Variants in DBT observed in about 807,000 individuals in gnomAD.
DBT encodes the protein lipoamide acyltransferase component of branched-chain alpha-keto acid dehydrogenase complex, mitochondrial.
In DBT, 40 loss-of-function variants were observed where a neutral mutation model predicts 51.3. The ratio of observed to expected loss-of-function variants is 0.78; its 90% confidence interval spans 0.61 to 1.02. The LOEUF (loss-of-function observed/expected upper bound fraction) is 1.02, where lower values mean the gene tolerates loss of function less well. DBT is among the 50% of genes least tolerant of loss of function. DBT has a pLI of 0.00. For synonymous variants in DBT, 181 were observed against 190.4 expected (o/e 0.95, Z 0.41); for missense variants, 510 against 580.2 (o/e 0.88, Z 1.24).
At chr1:100,199,148 T>C (rs906103463) in intron 10 of DBT, among the ~76,000 whole-genome samples, 11 of 152,166 alleles carry the variant, frequency 7.2e-5, no homozygotes, top group Non-Finnish European at 1.5e-4. Flanking sequence ...GATTCTAACA[T>C]GTAGCCAGGG....
intron 10 of DBT, among the ~76,000 whole-genome samples, chr1:100,202,784 A>G (rs180965993): frequency 3.2e-4 from 49 of 152,330 alleles, no homozygotes; most frequent in Admixed American, 2.9e-3. Flanking sequence ...CTCACTCAAA[A>G]CCACACAACT....
chr1:100,236,100 T>C (rs563701778), intron 2 of DBT, among the ~76,000 whole-genome samples: 1 of 152,210 alleles, frequency 6.6e-6, no homozygotes, highest in East Asian at 1.9e-4. Flanking sequence ...CTCCTTTTTT[T>C]TTTTGGAGAC....
chr1:100,215,708 G>C (rs1377708956), intron 6 of DBT, among the ~76,000 whole-genome samples: 1 of 152,120 alleles, frequency 6.6e-6, no homozygotes, highest in East Asian at 1.9e-4. Flanking sequence ...TGTAATCCCA[G>C]ATACTCAGGA....
chr1:100,243,420 T>C (rs1664346200), intron 1 of DBT, among the ~76,000 whole-genome samples: 1 of 151,638 alleles, frequency 6.6e-6, no homozygotes, highest in Non-Finnish European at 1.5e-5. Flanking sequence ...GTTCATGCGA[T>C]TCTCGTGCCT....
intron 2 of DBT, among the ~76,000 whole-genome samples, chr1:100,237,912 A>T (rs1663978461): frequency 6.6e-6 from 1 of 152,154 alleles, no homozygotes; most frequent in South Asian, 2.1e-4. Flanking sequence ...AAGTGCTGGG[A>T]TTACAGGTGT....
chr1:100,213,949 CAAAAA>C (rs758614475), intron 7 of DBT, among the ~76,000 whole-genome samples: 2 of 118,434 alleles, frequency 1.7e-5, no homozygotes, highest in Non-Finnish European at 1.8e-5. Context: ...AGATTCATAC[CAAAAA>C]AAAAAAAAAA....
intron 10 of DBT, among the ~76,000 whole-genome samples, chr1:100,199,956 A>T (rs750925813): frequency 6.6e-5 from 10 of 151,872 alleles, no homozygotes; most frequent in Non-Finnish European, 1.5e-4. Flanking sequence ...AGTTTCAAGC[A>T]CAAAACTGGG....
At chr1:100,209,271 T>C (rs1037271117) in intron 8 of DBT, among the ~76,000 whole-genome samples, 2 of 151,660 alleles carry the variant, frequency 1.3e-5, no homozygotes, top group African/African-American at 4.8e-5. Flanking sequence ...GCTAATTTTT[T>C]TTTTCTGTAG....
intron 7 of DBT, among the ~76,000 whole-genome samples, chr1:100,213,966 AAG>A (rs1553230541): frequency 3.7e-5 from 5 of 135,924 alleles, no homozygotes; most frequent in South Asian, 2.4e-4. Flanking sequence ...AAAAAAAAAA[AAG>A]AGAGAGATAA....
rs1196987992 is a variant in DBT at position 100,193,657 on chromosome 1, T to A, written c.*2598A>T. ...GTCTCGCTCTATCACCAGGCTGGAGTGCAGTGGCTCAATCTTGGCTCACTG... is the reference window on the plus strand; with the variant it reads ...GTCTCGCTCTATCACCAGGCTGGAGAGCAGTGGCTCAATCTTGGCTCACTG... On this transcript the variant is annotated 3_prime_UTR_variant, in exon 11 of 11. Transcript: ENST00000370132. The A allele has an allele frequency of 6.6e-6, 1 of 152,224 alleles. No homozygotes were observed. The highest frequency in any genetic ancestry group is 1.5e-5 in the Non-Finnish European group (1 of 68,074). 9.4% of individuals were successfully genotyped at this position (152,224 alleles called of 1,614,324 possible).
In DBT at chr1:100,187,613, G is replaced by A. The variant is rs886044937; in HGVS notation, c.*8642C>T. 1.3e-5 allele frequency: 2 copies of A among 151,942 alleles called. No homozygotes were observed. Among genetic ancestry groups the A allele is most frequent in the Non-Finnish European group, 2.9e-5 (2 of 68,016 alleles). The allele number at this position is 151,942 out of a possible 1,614,324, so 9.4% of individuals were successfully genotyped here. On this transcript the variant is annotated 3_prime_UTR_variant, in exon 11 of 11. Transcript: ENST00000370132. ...TGCAATCACAGCTCACTGCAGCTTC[G>A]ACCTCCTGGGCACAGGTGATCTCAC...
At chr1:100,242,194 G>C (rs1664264970) in intron 1 of DBT, among the ~76,000 whole-genome samples, 1 of 151,604 alleles carries the variant, frequency 6.6e-6, no homozygotes, top group South Asian at 2.1e-4. Flanking sequence ...GTATGTAACA[G>C]AGTCACTTTT....
chr1:100,213,699 A>C, intron 7 of DBT: 8 of 1,596,256 alleles, frequency 5.0e-6, no homozygotes, highest in Non-Finnish European at 6.8e-6. Context: ...CCTTTCCTAC[A>C]CCCAGCTCTC....
intron 10 of DBT, 49 bp downstream of exon 10, chr1:100,206,180 AG>A (rs759679845): frequency 8.2e-7 from 1 of 1,221,862 alleles, no homozygotes; most frequent in South Asian, 1.2e-5. Flanking sequence ...CATTGTGTTT[AG>A]TCCCTGAATT....
At chr1:100,245,758 T>C (rs930490999) in intron 1 of DBT, among the ~76,000 whole-genome samples, 3 of 151,246 alleles carry the variant, frequency 2.0e-5, no homozygotes, top group Non-Finnish European at 4.4e-5. Flanking sequence ...TTCAAGACCA[T>C]ACTGGGCAAT....
intron 8 of DBT, 173 bp downstream of exon 8, chr1:100,210,521 T>C (rs1662075616): frequency 2.2e-6 from 2 of 907,980 alleles, no homozygotes. Flanking sequence ...ACAGTATTAT[T>C]AACACAAAAA....
At chr1:100,249,421 G>A (rs1395334789) in intron 1 of DBT, 11 of 412,546 alleles carry the variant, frequency 2.7e-5, no homozygotes, top group Non-Finnish European at 4.6e-5. Flanking sequence ...GCATACTGTG[G>A]GTACGCAATA....
At chr1:100,215,874 C>G in intron 6 of DBT, 109 bp downstream of exon 6, 1 of 765,702 alleles carries the variant, frequency 1.3e-6, no homozygotes, top group South Asian at 1.5e-5. Flanking sequence ...GTTGAACTTT[C>G]CCTTCAGTAA....
chr1:100,192,869 T>C lies in DBT; in HGVS notation c.*3386A>G, dbSNP rs1660874679. The C allele has an allele frequency of 6.6e-6, 1 of 152,270 alleles. No homozygotes were observed. The highest frequency in any genetic ancestry group is 1.5e-5 in the Non-Finnish European group (1 of 68,050). The allele number at this position is 152,270 out of a possible 1,614,324, so 9.4% of individuals were successfully genotyped here. A position where few individuals can be genotyped will look rare whatever the true frequency, so the allele number is the denominator to read the frequency against. On this transcript the variant is annotated 3_prime_UTR_variant, in exon 11 of 11. Transcript: ENST00000370132. The stretch of plus-strand genomic sequence containing the variant: ...TTCTCCCCCATGTACATATACCTTC[T>C]AATCTCCAGACATGTTAGTAAAGGA...
Sources: allele counts gnomAD v4.1 joint callset (sites outside exome capture counted in the v4.1 genomes callset), GRCh38; gene constraint gnomAD v4.1.1; transcripts MANE v1.5; gene names NCBI Gene and HGNC (gene_info 2026-07-23, HGNC 2026-07-21).